The following PAFAH1B2 variants were observed in gnomAD, a reference collection of about 807,000 sequenced individuals.
The protein encoded by PAFAH1B2 is platelet activating factor acetylhydrolase 1b catalytic subunit 2.
In PAFAH1B2, 8 loss-of-function variants were observed where a neutral mutation model predicts 28.0. The ratio of observed to expected loss-of-function variants is 0.29; its 90% confidence interval spans 0.17 to 0.52. The LOEUF (loss-of-function observed/expected upper bound fraction) is 0.52, where lower values mean the gene tolerates loss of function less well. Among genes scored for constraint, PAFAH1B2 ranks in the 20% least tolerant of loss-of-function variants. PAFAH1B2 has a pLI of 0.97. For missense variants in PAFAH1B2, 190 were observed against 282.6 expected (o/e 0.67, Z 2.35); for synonymous variants, 104 against 103.2 (o/e 1.01, Z -0.05).
At chr11:117,159,796 AC>A (rs893103360) in intron 2 of PAFAH1B2, 137 bp from the exon 3 acceptor site, 19 of 625,730 alleles carry the variant, frequency 3.0e-5, no homozygotes, top group African/African-American at 2.7e-4. Flanking sequence ...TTGATATATT[AC>A]CCAGGCTGAT....
downstream of PAFAH1B2, chr11:117,174,841 C>A (rs1261793123): frequency 3.3e-6 from 4 of 1,229,430 alleles, no homozygotes; most frequent in Non-Finnish European, 3.3e-6. Context: ...TCTCAAACTC[C>A]TGACTTCAGA....
At chr11:117,159,836 C>T (rs1445683441) in intron 2 of PAFAH1B2, 98 bp from the exon 3 acceptor site, 5 of 792,428 alleles carry the variant, frequency 6.3e-6, no homozygotes, top group African/African-American at 5.1e-5. Flanking sequence ...AGTTATTCTC[C>T]TGTCCTGGCC....
chr11:117,151,951 C>A (rs1956161045), intron 1 of PAFAH1B2, among the ~76,000 whole-genome samples: 1 of 151,924 alleles, frequency 6.6e-6, no homozygotes, highest in Non-Finnish European at 1.5e-5. Context: ...TCGTGATCCA[C>A]CTGCCGCCTA....
At position 117,157,832 on chromosome 11, in the gene PAFAH1B2, G is replaced by A. The variant is rs531792565; in HGVS notation, c.82-2102G>A. On this transcript the variant is annotated intron_variant, in intron 2 of 5. Coordinates refer to ENST00000527958, the MANE Select transcript of PAFAH1B2 (RefSeq NM_002572.4). ...TAGAGCACTGTATAAATTTGTTTAAGGGATGAATATAAAAGTTTAAACTGG... is the reference window on the plus strand; with the variant it reads ...TAGAGCACTGTATAAATTTGTTTAAAGGATGAATATAAAAGTTTAAACTGG... Among the ~76,000 whole-genome samples, 24 of 152,194 alleles carry A rather than the reference G, an allele frequency of 1.6e-4. No homozygotes were observed. The South Asian group carries it at 5.0e-3, about 32-fold the overall frequency.
chr11:117,162,690 G>A (rs4288786), intron 4 of PAFAH1B2, among the ~76,000 whole-genome samples: 3,925 of 151,982 alleles, frequency 0.026, 132 homozygotes, highest in Admixed American at 0.099. Context: ...TGAGATGGAG[G>A]TTGCAGTGAG....
At position 117,170,197 on chromosome 11, in the gene PAFAH1B2, T is replaced by C. The variant is rs1380381097; in HGVS notation, c.*2498T>C. 8 of 1,057,658 alleles carry C rather than the reference T, an allele frequency of 7.6e-6. No individual in the cohort carries two copies. Among genetic ancestry groups the C allele is most frequent in the Admixed American group, 5.4e-5 (1 of 18,452 alleles). 65.5% of individuals were successfully genotyped at this position (1,057,658 alleles called of 1,614,324 possible). On this transcript the variant is annotated 3_prime_UTR_variant, in exon 6 of 6. Coordinates refer to ENST00000527958, the MANE Select transcript of PAFAH1B2 (RefSeq NM_002572.4). ...GACAGAACTTACTGCTTAGTCTTTGTACTTTTTAAAAAATCTATAAATTTA... is the reference window on the plus strand; with the variant it reads ...GACAGAACTTACTGCTTAGTCTTTGCACTTTTTAAAAAATCTATAAATTTA...
rs538691858 is a variant in PAFAH1B2 at position 117,168,611 on chromosome 11, C to T, written c.*912C>T. 0.019 allele frequency: 20,272 copies of T among 1,063,210 alleles called. 209 individuals carry two copies. The highest frequency in any genetic ancestry group is 0.021 in the Non-Finnish European group (18,639 of 878,214). 65.9% of individuals were successfully genotyped at this position (1,063,210 alleles called of 1,614,324 possible). A position where few individuals can be genotyped will look rare whatever the true frequency, so the allele number is the denominator to read the frequency against. On this transcript the variant is annotated 3_prime_UTR_variant, in exon 6 of 6. Transcript: ENST00000527958. ...TGTGTGGTGTTCTGTGCTATAGATT[C>T]TGTGTATTGCTGTTCATATTCGGAG...
intron 2 of PAFAH1B2, chr11:117,159,547 A>C (rs1956323850): frequency 1.2e-5 from 2 of 165,360 alleles, no homozygotes; most frequent in Non-Finnish European, 2.6e-5. Flanking sequence ...AGCCTGGGCA[A>C]CATGGTAAAA....
chr11:117,175,178 T>C, downstream of PAFAH1B2: 1 of 1,139,168 alleles, frequency 8.8e-7, no homozygotes, highest in Non-Finnish European at 1.1e-6. Context: ...AGGGTTGAGC[T>C]CTTTGTATAT....
chr11:117,163,490 G>C (rs375584292), intron 4 of PAFAH1B2, among the ~76,000 whole-genome samples: 60 of 152,254 alleles, frequency 3.9e-4, no homozygotes, highest in African/African-American at 1.4e-3. Flanking sequence ...TGGGCAACGT[G>C]GTGAAACCCT....
downstream of PAFAH1B2, among the ~76,000 whole-genome samples, chr11:117,177,608 C>T (rs1277780877): frequency 6.6e-6 from 1 of 152,236 alleles, no homozygotes; most frequent in Non-Finnish European, 1.5e-5. Context: ...GATCTCAGCT[C>T]ACTGCAACCT....
At chr11:117,154,196 A>G (rs1956215329) in intron 2 of PAFAH1B2, among the ~76,000 whole-genome samples, 1 of 152,090 alleles carries the variant, frequency 6.6e-6, no homozygotes, top group South Asian at 2.1e-4. Context: ...ACCTTTATGA[A>G]TAGTAACTAG....
At chr11:117,175,260 CCT>C (rs1437186389), downstream of PAFAH1B2, 11 of 1,081,212 alleles carry the variant, frequency 1.0e-5, no homozygotes, top group South Asian at 8.8e-5. Flanking sequence ...CGACATCTCC[CCT>C]GTGTGCTCAC....
At chr11:117,177,306 TCA>T (rs2134242331), downstream of PAFAH1B2, among the ~76,000 whole-genome samples, 1 of 152,262 alleles carries the variant, frequency 6.6e-6, no homozygotes, top group African/African-American at 2.4e-5. Flanking sequence ...TAAGAACCAC[TCA>T]CAATCCATTA....
At chr11:117,172,663 C>T (rs924846764), downstream of PAFAH1B2, among the ~76,000 whole-genome samples, 6 of 152,102 alleles carry the variant, frequency 3.9e-5, no homozygotes, top group Non-Finnish European at 7.4e-5. Context: ...TGGGAGCCCC[C>T]TATCTGGAAT....
intron 1 of PAFAH1B2, 123 bp from the exon 2 acceptor site, chr11:117,152,318 A>G: frequency 1.6e-6 from 1 of 630,150 alleles, no homozygotes. Flanking sequence ...TTAGTTTCCC[A>G]ATTGTTTCTA....
downstream of PAFAH1B2, chr11:117,175,379 T>G (rs971032826): frequency 4.7e-6 from 5 of 1,072,200 alleles, no homozygotes; most frequent in Non-Finnish European, 5.7e-6. Context: ...TATTCATAAG[T>G]GCGGGGTAGG....
chr11:117,169,928 T>C lies in PAFAH1B2; in HGVS notation c.*2229T>C. ...TTCTCTCTTGACTGAGGATCAAATA[T>C]CCCTTTGTGAGCTGGCCCTCAGCTC... is the stretch of plus-strand genomic sequence containing the variant. On this transcript the variant is annotated 3_prime_UTR_variant, in exon 6 of 6. Transcript: ENST00000527958. The C allele has an allele frequency of 9.5e-6, 10 of 1,053,686 alleles. No individual in the cohort carries two copies. The highest frequency in any genetic ancestry group is 1.1e-5 in the Non-Finnish European group (10 of 871,956). 65.3% of individuals were successfully genotyped at this position (1,053,686 alleles called of 1,614,324 possible).
downstream of PAFAH1B2, among the ~76,000 whole-genome samples, chr11:117,173,385 C>T (rs998679843): frequency 6.6e-6 from 1 of 152,190 alleles, no homozygotes; most frequent in Non-Finnish European, 1.5e-5. Context: ...AAGCCTAGCT[C>T]CACTGTGAGT....
Sources: allele counts gnomAD v4.1 joint callset (sites outside exome capture counted in the v4.1 genomes callset), GRCh38; gene constraint gnomAD v4.1.1; transcripts MANE v1.5; gene names NCBI Gene and HGNC (gene_info 2026-07-23, HGNC 2026-07-21).